OR7C1: variants seen among roughly 807,000 people sequenced by gnomAD.
OR7C1 encodes the protein olfactory receptor family 7 subfamily C member 1.
For synonymous variants in OR7C1, 152 were observed against 160.7 expected (o/e 0.95, Z 0.41); for missense variants, 324 against 383.3 (o/e 0.85, Z 1.29).
intron 1 of OR7C1, chr19:14,828,041 G>C: frequency 6.2e-7 from 1 of 1,614,234 alleles, no homozygotes; most frequent in East Asian, 2.2e-5. Context: ...TGTCAGCAAA[G>C]GACAGGTTGG....
exon 5 of OR7C1, chr19:14,799,909 C>A: frequency 1.2e-6 from 2 of 1,613,908 alleles, no homozygotes; most frequent in East Asian, 2.2e-5. Context: ...TTGGGACAGT[C>A]GTGGAGGTAA....
At chr19:14,816,211 T>C (rs899495358) in intron 1 of OR7C1, among the ~76,000 whole-genome samples, 1 of 152,146 alleles carries the variant, frequency 6.6e-6, no homozygotes, top group African/African-American at 2.4e-5. Flanking sequence ...AAAATTCTTT[T>C]AAAAAGTTAA....
At chr19:14,819,355 G>A (rs921559015) in intron 1 of OR7C1, among the ~76,000 whole-genome samples, 3 of 151,340 alleles carry the variant, frequency 2.0e-5, no homozygotes, top group Non-Finnish European at 2.9e-5. Context: ...AGTGTGTGTC[G>A]TTCCCCTCCC....
intron 1 of OR7C1, among the ~76,000 whole-genome samples, chr19:14,817,880 AAG>A (rs891661235): frequency 2.6e-5 from 4 of 152,126 alleles, no homozygotes; most frequent in African/African-American, 7.2e-5. Context: ...TTTTGCAGGT[AAG>A]AGAGAAAAAA....
chr19:14,807,813 G>A (rs1036193346), intron 2 of OR7C1, among the ~76,000 whole-genome samples: 3 of 151,496 alleles, frequency 2.0e-5, no homozygotes, highest in Non-Finnish European at 4.4e-5. Flanking sequence ...GGAGAATGGC[G>A]TGAACCCAGG....
chr19:14,817,166 C>A (rs2044720051), intron 1 of OR7C1, among the ~76,000 whole-genome samples: 1 of 152,138 alleles, frequency 6.6e-6, no homozygotes, highest in Non-Finnish European at 1.5e-5. Flanking sequence ...GAGTCCCAGA[C>A]TGGGGACTGG....
intron 1 of OR7C1, among the ~76,000 whole-genome samples, chr19:14,814,954 G>A (rs1217653710): frequency 5.9e-5 from 9 of 152,178 alleles, no homozygotes; most frequent in Non-Finnish European, 1.0e-4. Context: ...TATAAGCAGG[G>A]CCTAACGCCA....
intron 2 of OR7C1, among the ~76,000 whole-genome samples, chr19:14,808,831 C>G (rs991092933): frequency 3.3e-5 from 5 of 152,106 alleles, no homozygotes; most frequent in Non-Finnish European, 7.3e-5. Context: ...AATGCTTTGT[C>G]CTCGTTAGAA....
At chr19:14,834,178 C>T (rs1421060290) in intron 1 of OR7C1, among the ~76,000 whole-genome samples, 1 of 152,138 alleles carries the variant, frequency 6.6e-6, no homozygotes. Context: ...GGGAGGATCA[C>T]CGGAGCCAAG....
chr19:14,820,832 T>C (rs2044737715), intron 1 of OR7C1, among the ~76,000 whole-genome samples: 1 of 152,174 alleles, frequency 6.6e-6, no homozygotes, highest in Non-Finnish European at 1.5e-5. Flanking sequence ...GGAACGGAAT[T>C]GGACTAGAGA....
chr19:14,827,471 C>T (rs747511434), intron 1 of OR7C1: 34 of 1,613,860 alleles, frequency 2.1e-5, no homozygotes, highest in South Asian at 4.4e-5. Context: ...TAAGGTACAC[C>T]CCTAGGATTG....
chr19:14,828,184 C>A, intron 1 of OR7C1: 1 of 1,613,448 alleles, frequency 6.2e-7, no homozygotes, highest in Non-Finnish European at 8.5e-7. Context: ...AGTCCAGGTT[C>A]TTGTGAAAAT....
At chr19:14,820,663 A>T (rs1368521635) in intron 1 of OR7C1, among the ~76,000 whole-genome samples, 1 of 152,204 alleles carries the variant, frequency 6.6e-6, no homozygotes, top group Non-Finnish European at 1.5e-5. Context: ...GCTAATTTAG[A>T]TCTTACCTTG....
At chr19:14,830,949 A>G (rs1434668227) in intron 1 of OR7C1, among the ~76,000 whole-genome samples, 2 of 152,138 alleles carry the variant, frequency 1.3e-5, no homozygotes, top group Admixed American at 1.3e-4. Flanking sequence ...GTACCGCACA[A>G]AGCCCTCTTC....
intron 1 of OR7C1, among the ~76,000 whole-genome samples, chr19:14,811,591 C>G (rs1380615919): frequency 1.3e-5 from 2 of 151,500 alleles, no homozygotes; most frequent in Non-Finnish European, 2.9e-5. Context: ...TTAGGGGGGC[C>G]AACATTCAAC....
intron 1 of OR7C1, among the ~76,000 whole-genome samples, chr19:14,815,784 CGTGTGT>C (rs34655691): frequency 0.02 from 2,910 of 146,706 alleles, 60 homozygotes; most frequent in African/African-American, 0.054. Context: ...TGAGTTTGTG[CGTGTGT>C]GTGTGTGTGT....
intron 1 of OR7C1, among the ~76,000 whole-genome samples, chr19:14,811,685 C>T (rs934425724): frequency 5.9e-5 from 9 of 151,568 alleles, no homozygotes; most frequent in Admixed American, 2.0e-4. Context: ...AGTTTGCTGA[C>T]CCCCAGCTTA....
chr19:14,831,475 C>T (rs10419047), intron 1 of OR7C1, among the ~76,000 whole-genome samples: 1,816 of 152,004 alleles, frequency 0.012, 31 homozygotes, highest in African/African-American at 0.04. Flanking sequence ...GACAGAGTCT[C>T]GCTCTGTCGC....
intron 1 of OR7C1, among the ~76,000 whole-genome samples, chr19:14,817,666 G>A (rs1476918176): frequency 1.3e-5 from 2 of 152,146 alleles, no homozygotes; most frequent in Non-Finnish European, 2.9e-5. Context: ...GCGCCAAGAG[G>A]TTGCTATGTT....
Sources: allele counts gnomAD v4.1 joint callset (sites outside exome capture counted in the v4.1 genomes callset), GRCh38; gene constraint gnomAD v4.1.1; transcripts MANE v1.5; gene names NCBI Gene and HGNC (gene_info 2026-07-23, HGNC 2026-07-21).